The following GRB14 variants were observed in gnomAD, a reference collection of about 807,000 sequenced individuals.
The protein encoded by GRB14 is growth factor receptor-bound protein 14.
Under a neutral mutation model 69.1 loss-of-function variants are expected in GRB14, and 38 were observed. The observed-to-expected ratio is 0.55, with a 90% CI of 0.42 to 0.72. GRB14 has a LOEUF of 0.72. GRB14 is among the 30% of genes least tolerant of loss of function. GRB14 has a pLI of 0.00. For synonymous variants in GRB14, 247 were observed against 241.3 expected (o/e 1.02, Z -0.22); for missense variants, 666 against 666.1 (o/e 1.00, Z 0.00).
chr2:164,602,130 A>AT (rs1462658147), intron 2 of GRB14, among the ~76,000 whole-genome samples: 99 of 148,528 alleles, frequency 6.7e-4, no homozygotes, highest in African/African-American at 2.4e-3. Flanking sequence ...GTATTTTTAA[A>AT]TTTAAAAAAA....
chr2:164,516,744 A>C (rs1406056705), intron 6 of GRB14, among the ~76,000 whole-genome samples: 1 of 152,190 alleles, frequency 6.6e-6, no homozygotes, highest in African/African-American at 2.4e-5. Flanking sequence ...AAAATACACC[A>C]AAATAGAACC....
intron 2 of GRB14, among the ~76,000 whole-genome samples, chr2:164,609,939 T>A (rs11895467): frequency 1.3e-5 from 2 of 151,946 alleles, no homozygotes; most frequent in Non-Finnish European, 2.9e-5. Context: ...GCTTAAGACA[T>A]TAAAAAGGAA....
At chr2:164,549,899 A>G (rs1688489739) in intron 2 of GRB14, among the ~76,000 whole-genome samples, 1 of 148,768 alleles carries the variant, frequency 6.7e-6, no homozygotes, top group Admixed American at 6.7e-5. Flanking sequence ...AAAATAAAAT[A>G]AAATAAAATA....
intron 2 of GRB14, 27 bp from the exon 3 acceptor site, chr2:164,547,843 C>T: frequency 1.3e-6 from 2 of 1,527,740 alleles, no homozygotes; most frequent in Non-Finnish European, 1.8e-6. Context: ...AAGAAAAAGA[C>T]CTAAAATATT....
intron 2 of GRB14, among the ~76,000 whole-genome samples, chr2:164,559,678 C>T (rs575628133): frequency 2.0e-5 from 3 of 152,198 alleles, no homozygotes; most frequent in Admixed American, 1.3e-4. Flanking sequence ...TTTGTTTACC[C>T]ACTCGTTGAC....
At chr2:164,563,991 T>G (rs1398461440) in intron 2 of GRB14, among the ~76,000 whole-genome samples, 1 of 152,140 alleles carries the variant, frequency 6.6e-6, no homozygotes, top group Non-Finnish European at 1.5e-5. Flanking sequence ...ATAAAATTGA[T>G]GTTACAGGGC....
intron 2 of GRB14, among the ~76,000 whole-genome samples, chr2:164,564,968 T>A (rs1688933728): frequency 6.6e-6 from 1 of 152,110 alleles, no homozygotes; most frequent in Non-Finnish European, 1.5e-5. Context: ...TGAGCCAAGA[T>A]GGCGCCACTG....
At chr2:164,606,737 A>G (rs1433756905) in intron 2 of GRB14, among the ~76,000 whole-genome samples, 3 of 152,178 alleles carry the variant, frequency 2.0e-5, no homozygotes, top group Non-Finnish European at 4.4e-5. Context: ...ACAGCACAGT[A>G]AGACTACTGT....
intron 2 of GRB14, among the ~76,000 whole-genome samples, chr2:164,565,294 A>ACACG (rs1553514573): frequency 2.6e-5 from 4 of 151,284 alleles, no homozygotes; most frequent in Non-Finnish European, 5.9e-5. Flanking sequence ...ACACACACAC[A>ACACG]CACACACACT....
At chr2:164,591,295 G>T (rs1347293303) in intron 2 of GRB14, among the ~76,000 whole-genome samples, 1 of 152,126 alleles carries the variant, frequency 6.6e-6, no homozygotes, top group Admixed American at 6.5e-5. Flanking sequence ...TAAGTAAGGG[G>T]TTTTGACCAA....
intron 5 of GRB14, 117 bp downstream of exon 5, chr2:164,524,887 A>T (rs2105286071): frequency 1.7e-6 from 1 of 588,058 alleles, no homozygotes; most frequent in South Asian, 2.6e-5. Context: ...TCCAGCAAAA[A>T]ATATTAATAA....
rs747414176 is a variant in GRB14, at chr2:164,497,437, G to A, written c.1158C>T (p.Ser386=). 6.2e-6 allele frequency: 10 copies of A among 1,613,548 alleles called. No individual in the cohort carries two copies. In the East Asian group the frequency reaches 1.8e-4, roughly 29 times the overall value. Residue 386 remains serine, a synonymous_variant, in exon 10 of 14, where the codon AGC becomes AGT. Coordinates refer to ENST00000263915, the MANE Select transcript of GRB14 (RefSeq NM_004490.3). ...CTTCAGTGGGATTTTCTATAACTCT[G>A]CTTTTCTGGCCTGAGAAGTCCATTG... The part of the protein sequence containing the change: ...LVAMDFSGQK[S]RVIENPTEAL...
Position 164,599,132 on chromosome 2 carries a change from T to C in GRB14, c.324+20555A>G, listed in dbSNP as rs180998772. ...ACCTTGGCAGAGATGGCTGAAAAGA[T>C]GGGAGCAGCTGAATCTACACATGGC... On this transcript the variant is annotated intron_variant, in intron 2 of 13. Coordinates refer to ENST00000263915, the MANE Select transcript of GRB14 (RefSeq NM_004490.3). Among the ~76,000 whole-genome samples the C allele has an allele frequency of 9.2e-5, 14 of 151,626 alleles. No homozygotes were observed. In the East Asian group the frequency reaches 2.5e-3, roughly 27 times the overall value.
chr2:164,520,302 C>G (rs777850132), intron 6 of GRB14, among the ~76,000 whole-genome samples: 12 of 152,016 alleles, frequency 7.9e-5, no homozygotes, highest in Non-Finnish European at 1.3e-4. Context: ...TGGCAAGTCA[C>G]ATGTAGAAGA....
intron 2 of GRB14, among the ~76,000 whole-genome samples, chr2:164,595,451 T>C (rs1219284547): frequency 6.6e-6 from 1 of 152,108 alleles, no homozygotes; most frequent in Non-Finnish European, 1.5e-5. Context: ...TTGAGGACAT[T>C]AGGAAATGCT....
At chr2:164,593,030 C>A (rs565989184) in intron 2 of GRB14, among the ~76,000 whole-genome samples, 2 of 152,130 alleles carry the variant, frequency 1.3e-5, no homozygotes, top group Non-Finnish European at 2.9e-5. Context: ...TGTTACATAG[C>A]GGTCTGTACT....
chr2:164,555,366 T>C (rs916219515), intron 2 of GRB14, among the ~76,000 whole-genome samples: 1 of 152,178 alleles, frequency 6.6e-6, no homozygotes, highest in Admixed American at 6.5e-5. Flanking sequence ...TCTTTGTTTC[T>C]TCAAGAATAG....
In GRB14 at chr2:164,554,426, AAAG is replaced by A. The variant is rs1345144787; in HGVS notation, c.325-6613_325-6611del. ...CAGGAAGAAATTCTTCCTGGACCCT[AAAG>A]AAGAATAGGAAGAAATTTTGTTCCA... On this transcript the variant is annotated intron_variant, in intron 2 of 13. Coordinates refer to ENST00000263915, the MANE Select transcript of GRB14 (RefSeq NM_004490.3). Among the ~76,000 whole-genome samples the A allele has an allele frequency of 3.3e-5, 5 of 152,178 alleles. No homozygotes were observed. In the South Asian group the frequency reaches 8.3e-4, roughly 25 times the overall value.
chr2:164,600,992 G>C (rs1361849415), intron 2 of GRB14, among the ~76,000 whole-genome samples: 1 of 151,788 alleles, frequency 6.6e-6, no homozygotes, highest in Admixed American at 6.6e-5. Context: ...AAAAAAAAAA[G>C]GTTGAGAAAA....
Sources: gnomAD v4.1 joint callset for allele counts (sites outside exome capture counted in the v4.1 genomes callset) on GRCh38, gnomAD v4.1.1 for gene constraint, MANE v1.5 for transcripts, NCBI Gene and HGNC (gene_info 2026-07-23, HGNC 2026-07-21) for gene names.